Variants in DOCK3 observed in about 807,000 individuals in gnomAD.
The protein encoded by DOCK3 is dedicator of cytokinesis 3.
A neutral mutation model predicts 265.6 loss-of-function variants in DOCK3; 60 were observed. That is an observed-to-expected ratio of 0.23 (90% CI 0.18 to 0.28). DOCK3 has a LOEUF of 0.28. DOCK3 is among the 10% of genes least tolerant of loss of function. DOCK3 has a pLI of 1.00. For synonymous variants in DOCK3, 881 were observed against 938.0 expected (o/e 0.94, Z 1.11); for missense variants, 1,981 against 2,594.3 (o/e 0.76, Z 5.14).
intron 9 of DOCK3, among the ~76,000 whole-genome samples, chr3:51,097,162 G>C (rs2082891737): frequency 6.6e-6 from 1 of 152,244 alleles, no homozygotes; most frequent in African/African-American, 2.4e-5. Context: ...GCTGTCTTCA[G>C]ATTCACAGGC....
intron 5 of DOCK3, among the ~76,000 whole-genome samples, chr3:51,024,270 A>G (rs2079719291): frequency 1.3e-5 from 2 of 152,248 alleles, no homozygotes; most frequent in South Asian, 4.2e-4. Context: ...GGGATTCCTT[A>G]AAGCTTATCT....
intron 35 of DOCK3, among the ~76,000 whole-genome samples, chr3:51,337,254 A>G (rs1202381322): frequency 6.6e-6 from 1 of 152,146 alleles, no homozygotes; most frequent in African/African-American, 2.4e-5. Flanking sequence ...GATTTTCAAC[A>G]TCCTTTTCTT....
intron 1 of DOCK3, among the ~76,000 whole-genome samples, chr3:50,698,517 GTTTTTTTTT>G: frequency 1.6e-3 from 32 of 19,518 alleles, no homozygotes; most frequent in South Asian, 8.1e-3. Context: ...TATGTTTTTG[GTTTTTTTTT>G]TTTTTTTTTT....
At chr3:51,092,129 C>T (rs1433711217) in intron 9 of DOCK3, among the ~76,000 whole-genome samples, 1 of 152,138 alleles carries the variant, frequency 6.6e-6, no homozygotes, top group Non-Finnish European at 1.5e-5. Context: ...TTCTCCATAA[C>T]CCATTGGCAC....
chr3:51,208,885 A>C (rs771345281), intron 13 of DOCK3, 23 bp downstream of exon 13: 1 of 1,594,106 alleles, frequency 6.3e-7, no homozygotes, highest in South Asian at 1.1e-5. Flanking sequence ...TCTGACTAGA[A>C]CATTTTGTGT....
chr3:51,271,918 C>T (rs2080522015), intron 24 of DOCK3, among the ~76,000 whole-genome samples: 1 of 151,596 alleles, frequency 6.6e-6, no homozygotes, highest in Non-Finnish European at 1.5e-5. Context: ...GTTTCCTTGC[C>T]ATACCATTCG....
chr3:51,100,081 A>C (rs2083025597), intron 9 of DOCK3, among the ~76,000 whole-genome samples: 1 of 152,182 alleles, frequency 6.6e-6, no homozygotes. Flanking sequence ...CAGTGACCAG[A>C]TGACAGACGA....
chr3:51,194,822 CTTT>C (rs781358698), intron 12 of DOCK3, among the ~76,000 whole-genome samples: 2 of 125,776 alleles, frequency 1.6e-5, no homozygotes, highest in Non-Finnish European at 3.3e-5. Flanking sequence ...AGGTGAATAT[CTTT>C]TTTTTTTTTT....
chr3:51,269,190 T>C (rs2080367592), intron 23 of DOCK3, among the ~76,000 whole-genome samples: 1 of 148,122 alleles, frequency 6.8e-6, no homozygotes, highest in African/African-American at 2.5e-5. Flanking sequence ...ATAATATACA[T>C]ATATATGCAT....
At position 50,939,528 on chromosome 3, in the gene DOCK3, A is replaced by G. The variant is rs990956171; in HGVS notation, c.315+5451A>G. Among the ~76,000 whole-genome samples, 6 of 152,130 alleles carry G rather than the reference A, an allele frequency of 3.9e-5. No homozygotes were observed. In the East Asian group the frequency reaches 1.2e-3, roughly 29 times the overall value. The stretch of plus-strand genomic sequence containing the variant: ...GATCAATATATAAAAATAATAATAT[A>G]CCATGGCCAGTGGGGTTTATTCTGG... On this transcript the variant is annotated intron_variant, in intron 5 of 52. Coordinates refer to ENST00000266037, the MANE Select transcript of DOCK3 (RefSeq NM_004947.5).
chr3:50,948,893 CTG>C (rs1268338077), intron 5 of DOCK3, among the ~76,000 whole-genome samples: 4 of 152,102 alleles, frequency 2.6e-5, no homozygotes, highest in Admixed American at 2.6e-4. Flanking sequence ...TATAGTAAGA[CTG>C]TGGTATTAAA....
chr3:50,921,520 G>A (rs944839571), intron 4 of DOCK3, among the ~76,000 whole-genome samples: 1 of 152,192 alleles, frequency 6.6e-6, no homozygotes, highest in Non-Finnish European at 1.5e-5. Flanking sequence ...GAAGAAGTTT[G>A]TTATTACTGA....
At chr3:51,016,976 A>T (rs201573491) in intron 5 of DOCK3, among the ~76,000 whole-genome samples, 4 of 18,612 alleles carry the variant, frequency 2.1e-4, no homozygotes, top group African/African-American at 1.7e-3. Flanking sequence ...ATATATAAAT[A>T]AATGGTAAAA....
At chr3:51,128,990 A>T (rs1464768010) in intron 9 of DOCK3, among the ~76,000 whole-genome samples, 2 of 152,222 alleles carry the variant, frequency 1.3e-5, no homozygotes, top group South Asian at 4.1e-4. Flanking sequence ...GAACATTCAC[A>T]TGGGATACAA....
At position 51,228,778 on chromosome 3, in the gene DOCK3, A is replaced by G. The variant is rs2090433302; in HGVS notation, c.1765A>G (p.Lys589Glu). 6.2e-7 allele frequency: 1 copy of G among 1,613,974 alleles called. No homozygotes were observed. Among genetic ancestry groups the G allele is most frequent in the Non-Finnish European group, 8.5e-7 (1 of 1,179,866 alleles). Reference protein sequence around the residue: ...PSSLIFQRSTKESFFISTQLS... With the variant: ...PSSLIFQRSTEESFFISTQLS... Reference sequence around the variant, plus strand: ...TAGCCTCATCTTCCAGCGCAGCACCAAAGAGTCTTTCTTCATCTCCACTCA... The same window carrying G: ...TAGCCTCATCTTCCAGCGCAGCACCGAAGAGTCTTTCTTCATCTCCACTCA... The change falls in exon 18 of 53, where the codon AAA (lysine) becomes GAA (glutamate). Residue 589 changes from lysine to glutamate, a missense_variant. This residue lies in a region of DOCK3 where 1,357 missense variants were observed against 1,866.8 expected (regional missense o/e 0.73). Transcript: ENST00000266037.
chr3:51,209,762 T>C (rs938758859), intron 13 of DOCK3, among the ~76,000 whole-genome samples: 2 of 152,230 alleles, frequency 1.3e-5, no homozygotes, highest in African/African-American at 4.8e-5. Flanking sequence ...GGTGAGCAGA[T>C]ACTCAACTAG....
intron 2 of DOCK3, among the ~76,000 whole-genome samples, chr3:50,827,236 G>A (rs2044816422): frequency 6.6e-6 from 1 of 152,174 alleles, no homozygotes; most frequent in Non-Finnish European, 1.5e-5. Context: ...TGTTATCTTA[G>A]TTCATTTAGG....
chr3:51,228,639 T>G lies in DOCK3; in HGVS notation c.1648-22T>G, dbSNP rs897201739. 3 of 1,604,454 alleles carry G rather than the reference T, an allele frequency of 1.9e-6. No individual in the cohort carries two copies. The African/African-American group carries it at 4.0e-5, about 22-fold the overall frequency. ...ATGTTGCATGGCTCAGGGGACATTT[T>G]TTTCTCCATTTTTGCCTACAGTGTG... On this transcript the variant is annotated intron_variant, in intron 17 of 52. Coordinates refer to ENST00000266037, the MANE Select transcript of DOCK3 (RefSeq NM_004947.5).
chr3:51,068,045 T>C (rs114285615), intron 6 of DOCK3, among the ~76,000 whole-genome samples: 2,472 of 152,356 alleles, frequency 0.016, 83 homozygotes, highest in African/African-American at 0.055. Flanking sequence ...AAATGTATTT[T>C]AATGTTTTAA....
Sources: gnomAD v4.1 joint callset for allele counts (sites outside exome capture counted in the v4.1 genomes callset) on GRCh38, gnomAD v4.1.1 for gene constraint, gnomAD v4.1.1 regional missense constraint, MANE v1.5 for transcripts, NCBI Gene and HGNC (gene_info 2026-07-23, HGNC 2026-07-21) for gene names.